TMEFF2: variants seen among roughly 807,000 people sequenced by gnomAD.
TMEFF2 encodes the protein tomoregulin-2.
TMEFF2 carries 28 observed loss-of-function variants against 53.8 expected under a neutral mutation model. The ratio of observed to expected loss-of-function variants is 0.52; its 90% CI spans 0.39 to 0.71. The LOEUF (loss-of-function observed/expected upper bound fraction) is 0.71. Among genes scored for constraint, TMEFF2 ranks in the 30% least tolerant of loss-of-function variants. The pLI is 0.00. For synonymous variants in TMEFF2, 162 were observed against 166.3 expected, an observed-to-expected ratio of 0.97 and a Z score of 0.20; for missense variants, 353 against 455.2, an observed-to-expected ratio of 0.78 and a Z score of 2.04.
At chr2:191,989,227 A>T (rs1686049023) in intron 7 of TMEFF2, among the ~76,000 whole-genome samples, 1 of 152,176 alleles carries the variant, frequency 6.6e-6, no homozygotes, top group African/African-American at 2.4e-5. Flanking sequence ...CTTCCGTGAA[A>T]CCAGGCCTCA....
chr2:192,087,309 AC>A (rs1489119090), intron 4 of TMEFF2, among the ~76,000 whole-genome samples: 1 of 152,116 alleles, frequency 6.6e-6, no homozygotes, highest in East Asian at 1.9e-4. Flanking sequence ...TTAATTCAAT[AC>A]AGTGCCAGGG....
intron 4 of TMEFF2, among the ~76,000 whole-genome samples, chr2:192,169,314 G>C (rs1375206651): frequency 6.6e-6 from 1 of 152,054 alleles, no homozygotes; most frequent in African/African-American, 2.4e-5. Context: ...GAAGGGTTTT[G>C]GATAAATAGA....
intron 5 of TMEFF2, among the ~76,000 whole-genome samples, chr2:192,008,364 C>T (rs1243869770): frequency 1.3e-5 from 2 of 152,194 alleles, no homozygotes; most frequent in South Asian, 2.1e-4. Context: ...CATCCATTGT[C>T]ATAGGTCACG....
At chr2:192,112,960 A>G (rs1431018313) in intron 4 of TMEFF2, among the ~76,000 whole-genome samples, 6 of 152,170 alleles carry the variant, frequency 3.9e-5, no homozygotes, top group Non-Finnish European at 8.8e-5. Flanking sequence ...AACTGTGAGT[A>G]CATTAAAATT....
intron 5 of TMEFF2, among the ~76,000 whole-genome samples, chr2:192,047,216 C>T (rs889626829): frequency 6.6e-6 from 1 of 152,138 alleles, no homozygotes; most frequent in Non-Finnish European, 1.5e-5. Context: ...CCACTGTGCC[C>T]GGCCTGCAGA....
intron 7 of TMEFF2, among the ~76,000 whole-genome samples, chr2:191,972,318 T>C (rs1296755673): frequency 1.4e-5 from 2 of 140,410 alleles, no homozygotes; most frequent in African/African-American, 5.3e-5. Context: ...CTTTTTTTTT[T>C]TTTTTTTTTT....
intron 9 of TMEFF2, 175 bp from the exon 10 acceptor site, chr2:191,950,582 T>A: frequency 1.1e-6 from 1 of 938,508 alleles, no homozygotes; most frequent in Non-Finnish European, 1.7e-6. Context: ...TGCTTTTCTG[T>A]GCAGTTGTCT....
chr2:191,971,047 GA>G (rs1367721366), intron 7 of TMEFF2, among the ~76,000 whole-genome samples: 2 of 151,688 alleles, frequency 1.3e-5, no homozygotes, highest in African/African-American at 4.8e-5. Context: ...TCCCAGTTTT[GA>G]ACAACTGACT....
chr2:192,091,052 G>T (rs1240517667), intron 4 of TMEFF2, among the ~76,000 whole-genome samples: 1 of 152,070 alleles, frequency 6.6e-6, no homozygotes. Flanking sequence ...CACTCAAGCT[G>T]CCTGCTCTTT....
chr2:191,991,131 A>G (rs1351828135), intron 7 of TMEFF2, among the ~76,000 whole-genome samples: 1 of 152,114 alleles, frequency 6.6e-6, no homozygotes, highest in Non-Finnish European at 1.5e-5. Context: ...TGCTTTGTGA[A>G]TATTTAGACG....
chr2:191,988,377 CAA>C (rs1686027850), intron 7 of TMEFF2, among the ~76,000 whole-genome samples: 1 of 152,102 alleles, frequency 6.6e-6, no homozygotes, highest in African/African-American at 2.4e-5. Flanking sequence ...GAGATTATTT[CAA>C]ACAACAGGAA....
At chr2:192,055,620 C>G (rs1413547619) in intron 5 of TMEFF2, among the ~76,000 whole-genome samples, 1 of 151,430 alleles carries the variant, frequency 6.6e-6, no homozygotes, top group African/African-American at 2.4e-5. Flanking sequence ...ACTAAAAATA[C>G]AAAAATTAGC....
chr2:192,086,217 T>C (rs1248173688), intron 4 of TMEFF2, among the ~76,000 whole-genome samples: 1 of 152,198 alleles, frequency 6.6e-6, no homozygotes, highest in African/African-American at 2.4e-5. Context: ...CGGTTGTTGG[T>C]TGACTTATTT....
intron 4 of TMEFF2, among the ~76,000 whole-genome samples, chr2:192,162,350 C>A (rs148305300): frequency 2.2e-4 from 34 of 152,178 alleles, no homozygotes; most frequent in African/African-American, 7.7e-4. Context: ...GGAAAAAAGT[C>A]TTTTAATATG....
At position 191,971,203 on chromosome 2, in the gene TMEFF2, A is replaced by T. The variant is rs183612952; in HGVS notation, c.746-14825T>A. Among the ~76,000 whole-genome samples the T allele has an allele frequency of 2.0e-5, 3 of 152,340 alleles. No individual in the cohort carries two copies. The East Asian group carries it at 5.8e-4, about 29-fold the overall frequency. ...GGGCTGGAGATTAGTTATTAACTAA[A>T]TGGTACCTTGTGATCTTATAGTGTT... On this transcript the variant is annotated intron_variant, in intron 7 of 9. Transcript: ENST00000272771.
chr2:192,080,571 G>A (rs957281241), intron 4 of TMEFF2, among the ~76,000 whole-genome samples: 2 of 152,170 alleles, frequency 1.3e-5, no homozygotes, highest in Admixed American at 6.5e-5. Flanking sequence ...ATAGAGACAC[G>A]TTTGTGAGGC....
intron 7 of TMEFF2, among the ~76,000 whole-genome samples, chr2:191,973,997 A>G (rs1692730376): frequency 6.6e-6 from 1 of 152,184 alleles, no homozygotes; most frequent in Admixed American, 6.5e-5. Flanking sequence ...TTCCTTTATA[A>G]ATTATCCAAT....
intron 7 of TMEFF2, among the ~76,000 whole-genome samples, chr2:191,989,182 TC>T (rs35730830): frequency 6.6e-6 from 1 of 152,140 alleles, no homozygotes; most frequent in African/African-American, 2.4e-5. Context: ...GAGCTACAGA[TC>T]CCAGAGGAGC....
At chr2:191,992,300 C>T (rs7420862) in intron 7 of TMEFF2, among the ~76,000 whole-genome samples, 27,963 of 151,980 alleles carry the variant, frequency 0.18, 2,651 homozygotes, top group Middle Eastern at 0.22. Flanking sequence ...CTTGTGTTCA[C>T]GAGCAAATGG....
Sources: gnomAD v4.1 joint callset for allele counts (sites outside exome capture counted in the v4.1 genomes callset) on GRCh38, gnomAD v4.1.1 for gene constraint, MANE v1.5 for transcripts, NCBI Gene and HGNC (gene_info 2026-07-23, HGNC 2026-07-21) for gene names.